Variants in SOX5 observed in about 807,000 individuals in gnomAD.
SOX5 encodes transcription factor SOX-5.
A neutral mutation model predicts 92.0 loss-of-function variants in SOX5; 9 were observed. The ratio of observed to expected loss-of-function variants is 0.10; its 90% CI spans 0.06 to 0.17. The LOEUF (loss-of-function observed/expected upper bound fraction) is 0.17, where lower values mean the gene tolerates loss of function less well. Ranked by LOEUF, SOX5 falls within the 10% of genes least tolerant of loss-of-function variation. The probability of loss-of-function intolerance (pLI) is 1.00; values close to 1 mark genes in which losing one functional copy is unlikely to be tolerated. For missense variants in SOX5, 642 were observed against 944.5 expected, an observed-to-expected ratio of 0.68 and a Z score of 4.20; for synonymous variants, 344 against 336.3, an observed-to-expected ratio of 1.02 and a Z score of -0.25.
chr12:23,949,918 G>T (rs1203692311), upstream of SOX5, among the ~76,000 whole-genome samples: 1 of 151,212 alleles, frequency 6.6e-6, no homozygotes, highest in Admixed American at 6.6e-5. Context: ...CGCTCCGGCT[G>T]CAAGGCTCTA....
intron 1 of SOX5, among the ~76,000 whole-genome samples, chr12:24,562,060 C>T (rs1239459386): frequency 6.6e-6 from 1 of 152,242 alleles, no homozygotes; most frequent in Admixed American, 6.5e-5. Context: ...GCTCCAGGGT[C>T]CCCCGGCCAG....
intron 4 of SOX5, among the ~76,000 whole-genome samples, chr12:24,096,879 G>C (rs1945483115): frequency 6.6e-6 from 1 of 152,008 alleles, no homozygotes; most frequent in African/African-American, 2.4e-5. Context: ...CATTTTTCTT[G>C]AGTATGTATA....
At chr12:23,871,245 C>T (rs2096869270) in intron 2 of SOX5, among the ~76,000 whole-genome samples, 1 of 152,114 alleles carries the variant, frequency 6.6e-6, no homozygotes, top group Non-Finnish European at 1.5e-5. Context: ...GAAACCACCA[C>T]CTACCTATAT....
chr12:24,559,514 C>A (rs1954129718), intron 1 of SOX5, among the ~76,000 whole-genome samples: 1 of 151,644 alleles, frequency 6.6e-6, no homozygotes, highest in Non-Finnish European at 1.5e-5. Context: ...ACTTATCACT[C>A]AGAAAAAGAA....
chr12:24,212,407 T>C lies in SOX5; in HGVS notation c.-2+936A>G, dbSNP rs773183535. ...ATTTATCTCTCTGTATAATGAAAACTGAAAAAGCCACTGGTAGTTGTTCTA... is the reference window on the plus strand; with the variant it reads ...ATTTATCTCTCTGTATAATGAAAACCGAAAAAGCCACTGGTAGTTGTTCTA... On this transcript the variant is annotated intron_variant, in intron 4 of 4. Coordinates refer to the SOX5 transcript ENST00000446891. 5.6e-6 allele frequency: 3 copies of C among 533,470 alleles called. No homozygotes were observed. The East Asian group carries it at 1.6e-4, about 29-fold the overall frequency. The allele number at this position is 533,470 out of a possible 1,614,324, so 33.0% of individuals were successfully genotyped here. A position where few individuals can be genotyped will look rare whatever the true frequency, so the allele number is the denominator to read the frequency against.
At chr12:24,181,544 G>C (rs1292065609) in intron 4 of SOX5, among the ~76,000 whole-genome samples, 1 of 152,070 alleles carries the variant, frequency 6.6e-6, no homozygotes, top group Non-Finnish European at 1.5e-5. Context: ...AAGTTATTTG[G>C]ACTTCTTGGG....
chr12:24,233,156 T>C (rs1963761205), intron 3 of SOX5, among the ~76,000 whole-genome samples: 1 of 152,126 alleles, frequency 6.6e-6, no homozygotes, highest in South Asian at 2.1e-4. Context: ...TGAAAACCGA[T>C]AGAAAATACA....
intron 4 of SOX5, among the ~76,000 whole-genome samples, chr12:24,108,843 T>C (rs1283608058): frequency 2.0e-5 from 3 of 152,172 alleles, no homozygotes; most frequent in African/African-American, 7.2e-5. Flanking sequence ...CAACTTATTG[T>C]ACAATGAAGT....
At chr12:24,057,946 T>C (rs1029717440) in intron 4 of SOX5, among the ~76,000 whole-genome samples, 4 of 152,190 alleles carry the variant, frequency 2.6e-5, no homozygotes, top group Non-Finnish European at 4.4e-5. Context: ...AAGAGAAAAA[T>C]ACACAAAATA....
chr12:24,173,851 T>A (rs1377704131), intron 4 of SOX5, among the ~76,000 whole-genome samples: 1 of 152,130 alleles, frequency 6.6e-6, no homozygotes, highest in African/African-American at 2.4e-5. Flanking sequence ...ATCCAGTTAC[T>A]ACCAGCCGTG....
chr12:23,898,819 C>A (rs1378545296), intron 1 of SOX5, among the ~76,000 whole-genome samples: 1 of 152,140 alleles, frequency 6.6e-6, no homozygotes, highest in Non-Finnish European at 1.5e-5. Flanking sequence ...GTTCTCAATG[C>A]ATTGGCCTTG....
In SOX5 at chr12:24,115,102, T is replaced by C. The variant is rs1013442419; in HGVS notation, c.-2+98241A>G. ...AGAGAAGAGCTATAAAGAATCAATA[T>C]AAAATGTTTAATACAAAAAAGAGAA... On this transcript the variant is annotated intron_variant, in intron 4 of 4. Transcript: ENST00000446891. 3.3e-5 allele frequency among the ~76,000 whole-genome samples: 5 copies of C among 152,062 alleles called. 1 individual carries two copies. Among genetic ancestry groups the C allele is most frequent in the Admixed American group, 3.3e-4 (5 of 15,266 alleles).
intron 4 of SOX5, among the ~76,000 whole-genome samples, chr12:24,032,038 G>A (rs1036221012): frequency 1.1e-4 from 17 of 151,874 alleles, no homozygotes; most frequent in Admixed American, 2.0e-4. Context: ...AGTAAGCAAC[G>A]ATGAAACCTA....
chr12:23,731,131 C>A (rs1318817347), intron 6 of SOX5, among the ~76,000 whole-genome samples: 1 of 152,126 alleles, frequency 6.6e-6, no homozygotes, highest in Non-Finnish European at 1.5e-5. Flanking sequence ...AACTTCAGGC[C>A]CCTCATCTTT....
chr12:23,782,020 C>A (rs886223548), intron 3 of SOX5, among the ~76,000 whole-genome samples: 16 of 151,540 alleles, frequency 1.1e-4, no homozygotes, highest in Admixed American at 8.5e-4. Context: ...TTTTTATTGA[C>A]TAGAAAATTC....
intron 9 of SOX5, among the ~76,000 whole-genome samples, chr12:23,599,171 G>T (rs146088500): frequency 1.3e-5 from 2 of 152,122 alleles, no homozygotes; most frequent in African/African-American, 2.4e-5. Flanking sequence ...GTACCACATC[G>T]GGCAAAATCT....
chr12:24,218,653 A>T (rs143700605), intron 3 of SOX5, among the ~76,000 whole-genome samples: 2 of 152,268 alleles, frequency 1.3e-5, no homozygotes, highest in East Asian at 3.9e-4. Context: ...CTCAACAAAC[A>T]AGTCTTTTAA....
At chr12:23,951,175 CAA>C, upstream of SOX5, 2 of 404,694 alleles carry the variant, frequency 4.9e-6, no homozygotes, top group Non-Finnish European at 9.1e-6. Context: ...AAATTCCCTT[CAA>C]AGCCGAAGTG....
At chr12:24,407,368 T>A (rs1221438731) in intron 1 of SOX5, 1 of 152,204 alleles carries the variant, frequency 6.6e-6, no homozygotes, top group Non-Finnish European at 1.5e-5. Flanking sequence ...AGAACTTCAG[T>A]GCAACCTCAG....
Sources: gnomAD v4.1 joint callset for allele counts (sites outside exome capture counted in the v4.1 genomes callset) on GRCh38, gnomAD v4.1.1 for gene constraint, MANE v1.5 for transcripts, NCBI Gene and HGNC (gene_info 2026-07-23, HGNC 2026-07-21) for gene names.